DPP10: variants seen among roughly 807,000 people sequenced by gnomAD.
DPP10 encodes the protein dipeptidyl peptidase like 10.
A neutral mutation model predicts 120.9 loss-of-function variants in DPP10; 33 were observed. The ratio of observed to expected loss-of-function variants is 0.27; its 90% CI spans 0.21 to 0.37. DPP10 has a LOEUF of 0.37. Ranked by LOEUF, DPP10 falls within the 10% of genes least tolerant of loss-of-function variation. DPP10 has a pLI of 1.00. For synonymous variants in DPP10, 337 were observed against 326.1 expected (o/e 1.03, Z -0.36); for missense variants, 816 against 942.8 (o/e 0.87, Z 1.76).
chr2:114,751,610 A>G (rs940281824), intron 1 of DPP10, among the ~76,000 whole-genome samples: 2 of 152,222 alleles, frequency 1.3e-5, no homozygotes, highest in Admixed American at 6.5e-5. Context: ...GGCCCAGGCA[A>G]GTACCTAAGC....
intron 5 of DPP10, among the ~76,000 whole-genome samples, chr2:115,602,844 A>G (rs2083419982): frequency 6.6e-6 from 1 of 152,208 alleles, no homozygotes; most frequent in African/African-American, 2.4e-5. Flanking sequence ...GGTTATTTAA[A>G]AAATTACTTT....
In DPP10 at chr2:114,749,782, A is replaced by G. The variant is rs565413510; in HGVS notation, c.60+306944A>G. On this transcript the variant is annotated intron_variant, in intron 1 of 25. Transcript: ENST00000410059. Reference sequence around the variant, plus strand: ...ATATCAAAAAATACATGAACGCCAAAGAGAAAAGCGTTAGTACACTAAATG... The same window carrying G: ...ATATCAAAAAATACATGAACGCCAAGGAGAAAAGCGTTAGTACACTAAATG... Among the ~76,000 whole-genome samples the G allele has an allele frequency of 2.6e-5, 4 of 152,094 alleles. No homozygotes were observed. The East Asian group carries it at 7.7e-4, about 29-fold the overall frequency.
chr2:114,858,465 A>T (rs910005924), intron 1 of DPP10, among the ~76,000 whole-genome samples: 6 of 152,226 alleles, frequency 3.9e-5, no homozygotes, highest in African/African-American at 1.4e-4. Context: ...ATTCAACATG[A>T]TCTGTCAAAA....
chr2:115,818,142 G>C (rs1687453873), intron 21 of DPP10, among the ~76,000 whole-genome samples: 1 of 152,122 alleles, frequency 6.6e-6, no homozygotes, highest in South Asian at 2.1e-4. Context: ...GTGCTCTTTA[G>C]TGATTAGCCA....
intron 1 of DPP10, among the ~76,000 whole-genome samples, chr2:115,257,599 C>T (rs1045559734): frequency 6.6e-6 from 1 of 152,202 alleles, no homozygotes; most frequent in African/African-American, 2.4e-5. Flanking sequence ...CAGGCCCCAT[C>T]TTCAACACTG....
At chr2:114,934,807 A>G (rs1054154874) in intron 1 of DPP10, among the ~76,000 whole-genome samples, 11 of 152,154 alleles carry the variant, frequency 7.2e-5, no homozygotes, top group African/African-American at 2.4e-4. Context: ...AGGTAAGTGA[A>G]ATAATGGGGC....
At chr2:114,960,360 A>G (rs1353349381) in intron 1 of DPP10, among the ~76,000 whole-genome samples, 1 of 55,888 alleles carries the variant, frequency 1.8e-5, no homozygotes, top group Non-Finnish European at 3.5e-5. Flanking sequence ...TACAGAGTGT[A>G]TGTGCGTATA....
intron 21 of DPP10, 111 bp downstream of exon 21, chr2:115,815,840 G>A: frequency 9.2e-7 from 1 of 1,086,696 alleles, no homozygotes; most frequent in South Asian, 1.5e-5. Context: ...CATATTGACT[G>A]GGATTCCATA....
At chr2:115,356,664 C>T (rs1420041321) in intron 3 of DPP10, among the ~76,000 whole-genome samples, 1 of 152,074 alleles carries the variant, frequency 6.6e-6, no homozygotes, top group Non-Finnish European at 1.5e-5. Flanking sequence ...AGATTTTGCC[C>T]ATTCAATATG....
chr2:115,644,710 G>A (rs903142498), intron 5 of DPP10, among the ~76,000 whole-genome samples: 6 of 152,054 alleles, frequency 3.9e-5, no homozygotes, highest in African/African-American at 1.4e-4. Context: ...TTGAGCCCAG[G>A]AGTTTGGGGC....
intron 1 of DPP10, among the ~76,000 whole-genome samples, chr2:114,532,294 T>TACACACACAC (rs1445405855): frequency 1.5e-5 from 1 of 65,932 alleles, no homozygotes; most frequent in African/African-American, 6.3e-5. Flanking sequence ...TATATATATA[T>TACACACACAC]ATACACACAC....
chr2:115,280,415 C>G (rs2060110731), intron 1 of DPP10, among the ~76,000 whole-genome samples: 1 of 152,172 alleles, frequency 6.6e-6, no homozygotes, highest in Admixed American at 6.5e-5. Context: ...CAAAGCTGCA[C>G]TCCGGAATTA....
At chr2:115,075,931 T>C (rs919486624) in intron 1 of DPP10, among the ~76,000 whole-genome samples, 3 of 152,120 alleles carry the variant, frequency 2.0e-5, no homozygotes, top group Admixed American at 1.3e-4. Flanking sequence ...AAACAGAATG[T>C]GGGAAGCAAT....
At position 114,633,668 on chromosome 2, in the gene DPP10, C is replaced by T. The variant is rs1041544473; in HGVS notation, c.60+190830C>T. ...CTCATGTGTCACCCAGACTAGAGTG[C>T]AATGGTGGGACCTTGGCTCACTGCA... On this transcript the variant is annotated intron_variant, in intron 1 of 25. Coordinates refer to ENST00000410059, the MANE Select transcript of DPP10 (RefSeq NM_020868.6). Among the ~76,000 whole-genome samples, 4 of 151,552 alleles carry T rather than the reference C, an allele frequency of 2.6e-5. 1 individual carries two copies. Among genetic ancestry groups the T allele is most frequent in the African/African-American group, 9.8e-5 (4 of 40,964 alleles).
chr2:115,166,524 A>ACT (rs2052869668), intron 1 of DPP10, among the ~76,000 whole-genome samples: 1 of 142,138 alleles, frequency 7.0e-6, no homozygotes, highest in Non-Finnish European at 1.5e-5. Flanking sequence ...TTATAATATA[A>ACT]ATATATATAT....
intron 1 of DPP10, among the ~76,000 whole-genome samples, chr2:114,902,847 G>A (rs1255756364): frequency 6.6e-6 from 1 of 152,028 alleles, no homozygotes; most frequent in East Asian, 1.9e-4. Flanking sequence ...ACTCTTGGTG[G>A]TTGTACATTC....
intron 7 of DPP10, among the ~76,000 whole-genome samples, chr2:115,699,775 T>C (rs374294263): frequency 1.9e-3 from 295 of 152,260 alleles, no homozygotes; most frequent in Non-Finnish European, 2.7e-3. Flanking sequence ...ATGTAAAAAT[T>C]CTCAACAAAA....
At chr2:114,443,486 C>T (rs915458980) in intron 1 of DPP10, among the ~76,000 whole-genome samples, 1 of 152,258 alleles carries the variant, frequency 6.6e-6, no homozygotes, top group African/African-American at 2.4e-5. Flanking sequence ...AGAACAAACT[C>T]ACAATTTCAC....
At chr2:114,460,201 CTATCT>C (rs1434917516) in intron 1 of DPP10, among the ~76,000 whole-genome samples, 3 of 151,780 alleles carry the variant, frequency 2.0e-5, no homozygotes, top group Admixed American at 6.6e-5. Context: ...ATCTATCTAT[CTATCT>C]ATCTATCTAT....
Sources: gnomAD v4.1 joint callset for allele counts (sites outside exome capture counted in the v4.1 genomes callset) on GRCh38, gnomAD v4.1.1 for gene constraint, MANE v1.5 for transcripts, NCBI Gene and HGNC (gene_info 2026-07-23, HGNC 2026-07-21) for gene names.